Variants in NRIP1 observed in about 807,000 individuals in gnomAD.
The protein encoded by NRIP1 is nuclear receptor-interacting protein 1.
NRIP1 carries 28 observed loss-of-function variants against 75.0 expected under a neutral mutation model. The observed-to-expected ratio is 0.37, with a 90% CI of 0.28 to 0.51. The LOEUF (loss-of-function observed/expected upper bound fraction) is 0.51, where lower values mean the gene tolerates loss of function less well. Ranked by LOEUF, NRIP1 falls within the 20% of genes least tolerant of loss-of-function variation. NRIP1 has a pLI of 0.92. For missense variants in NRIP1, 1,435 were observed against 1,343.7 expected, an observed-to-expected ratio of 1.07 and a Z score of -1.06; for synonymous variants, 526 against 487.6, an observed-to-expected ratio of 1.08 and a Z score of -1.04.
intron 3 of NRIP1, among the ~76,000 whole-genome samples, chr21:15,002,534 C>T (rs756081339): frequency 6.6e-6 from 1 of 152,090 alleles, no homozygotes; most frequent in African/African-American, 2.4e-5. Context: ...GATGTGTCTA[C>T]TTCGGTGAAC....
chr21:15,059,854 CT>C (rs2089386729), intron 1 of NRIP1, among the ~76,000 whole-genome samples: 1 of 152,028 alleles, frequency 6.6e-6, no homozygotes, highest in African/African-American at 2.4e-5. Context: ...CATTATACTA[CT>C]TTTAGAGTTC....
chr21:15,032,929 A>G (rs887166446), intron 2 of NRIP1, among the ~76,000 whole-genome samples: 4 of 152,200 alleles, frequency 2.6e-5, no homozygotes, highest in Non-Finnish European at 4.4e-5. Flanking sequence ...GAGAAAGCTG[A>G]AAAATTAAAA....
At chr21:15,030,401 C>T (rs976131655) in intron 2 of NRIP1, among the ~76,000 whole-genome samples, 30 of 152,150 alleles carry the variant, frequency 2.0e-4, no homozygotes, top group African/African-American at 7.0e-4. Flanking sequence ...CAAACTAACA[C>T]GAAGTTGGAT....
intron 1 of NRIP1, among the ~76,000 whole-genome samples, chr21:15,052,577 C>CAATA (rs1161460436): frequency 2.0e-5 from 3 of 152,168 alleles, no homozygotes; most frequent in Non-Finnish European, 4.4e-5. Flanking sequence ...CTGAAGTATT[C>CAATA]AATACAGCCA....
intron 3 of NRIP1, among the ~76,000 whole-genome samples, chr21:14,973,132 A>G (rs1000986179): frequency 2.6e-5 from 4 of 152,226 alleles, no homozygotes; most frequent in Non-Finnish European, 4.4e-5. Context: ...CATCACAGTA[A>G]GGGAGAGACT....
intron 1 of NRIP1, among the ~76,000 whole-genome samples, chr21:15,061,078 C>T (rs1456801897): frequency 6.6e-6 from 1 of 152,282 alleles, no homozygotes; most frequent in African/African-American, 2.4e-5. Flanking sequence ...TAAGGAAATG[C>T]AACTTGAACC....
intron 1 of NRIP1, among the ~76,000 whole-genome samples, chr21:15,045,715 C>G (rs60153736): frequency 0.011 from 1,668 of 152,358 alleles, 26 homozygotes; most frequent in African/African-American, 0.037. Flanking sequence ...ATTTTACCCA[C>G]AGTAGAATAT....
In NRIP1 at chr21:15,012,159, T is replaced by C. The variant is rs570004358; in HGVS notation, c.-335+2185A>G. ...TGTCAAATACTCATCTCCTGAGATA[T>C]ACCAGATCCTCCTTTTGGAGACACA... On this transcript the variant is annotated intron_variant, in intron 3 of 3. Transcript: ENST00000318948. 3.7e-3 allele frequency among the ~76,000 whole-genome samples: 566 copies of C among 152,298 alleles called. 4 individuals carry two copies. The highest frequency in any genetic ancestry group is 6.2e-3 in the Non-Finnish European group (425 of 68,020).
At position 14,968,038 on chromosome 21, in the gene NRIP1, T is replaced by C. The variant is rs745981548; in HGVS notation, c.155A>G (p.Asn52Ser). 22 of 1,613,956 alleles carry C rather than the reference T, an allele frequency of 1.4e-5. 2 individuals carry two copies. The East Asian group carries it at 2.7e-4, about 20-fold the overall frequency. Residue 52 changes from asparagine to serine, a missense_variant, in exon 4 of 4, where the codon AAC becomes AGC. Asn to Ser is a conservative substitution (Grantham distance 46, BLOSUM62 1). Transcript: ENST00000318948. ...AGHNEEDQNF[N>S]ISGSAFPTCQ... is the part of the protein sequence containing the mutation. ...GGTGGGAAATGCACTGCCAGAAATG[T>C]TAAAGTTCTGATCCTCTTCATTATG...
chr21:14,966,956 T>A lies in NRIP1; in HGVS notation c.1237A>T (p.Thr413Ser), dbSNP rs201928778. 1 of 1,614,068 alleles carries A rather than the reference T, an allele frequency of 6.2e-7. No homozygotes were observed. Among genetic ancestry groups the A allele is most frequent in the African/African-American group, 1.3e-5 (1 of 74,948 alleles). Reference sequence around the variant, plus strand: ...TTGTTATCTGAATATTCATCAATAGTTGTAGGTGTACTACTTTCCTCAAAA... The same window carrying A: ...TTGTTATCTGAATATTCATCAATAGATGTAGGTGTACTACTTTCCTCAAAA... ...SIFEESSTPT[T>S]IDEYSDNNPS... is the part of the protein sequence containing the mutation. The change falls in exon 4 of 4, where the codon ACT (threonine) becomes TCT (serine). Residue 413 changes from threonine to serine, a missense_variant. Coordinates refer to ENST00000318948, the MANE Select transcript of NRIP1 (RefSeq NM_003489.4).
intron 2 of NRIP1, among the ~76,000 whole-genome samples, chr21:15,018,551 C>T (rs1350616711): frequency 6.6e-6 from 1 of 152,036 alleles, no homozygotes; most frequent in Non-Finnish European, 1.5e-5. Flanking sequence ...ATAGTGTATG[C>T]AAAGGACGTG....
chr21:15,027,037 TA>T (rs1000658980), intron 2 of NRIP1, among the ~76,000 whole-genome samples: 1 of 151,416 alleles, frequency 6.6e-6, no homozygotes, highest in African/African-American at 2.4e-5. Context: ...AAAACTAAAT[TA>T]AAAAAAAATT....
At chr21:15,038,765 T>C (rs752082214) in intron 2 of NRIP1, among the ~76,000 whole-genome samples, 1 of 151,920 alleles carries the variant, frequency 6.6e-6, no homozygotes, top group African/African-American at 2.4e-5. Context: ...AGAAAACCTA[T>C]AAAGGCAAAT....
chr21:15,010,936 G>A (rs184371025), intron 3 of NRIP1, among the ~76,000 whole-genome samples: 32 of 152,212 alleles, frequency 2.1e-4, no homozygotes, highest in African/African-American at 6.0e-4. Context: ...GAAAACACTA[G>A]TGAGAAGGCC....
At chr21:15,022,661 T>C (rs1466897572) in intron 2 of NRIP1, among the ~76,000 whole-genome samples, 1 of 152,208 alleles carries the variant, frequency 6.6e-6, no homozygotes, top group Non-Finnish European at 1.5e-5. Flanking sequence ...CTTTGGAGAA[T>C]GCAAAAGTAG....
In NRIP1 at chr21:15,040,676, T is replaced by C. The variant is rs1054049898; in HGVS notation, c.-458+2819A>G. Reference sequence around the variant, plus strand: ...TTTCAGTATTTCAATCATACGATCATAAGTACATAGAGGAGGATATTGTGT... The same window carrying C: ...TTTCAGTATTTCAATCATACGATCACAAGTACATAGAGGAGGATATTGTGT... On this transcript the variant is annotated intron_variant, in intron 2 of 3. Coordinates refer to ENST00000318948, the MANE Select transcript of NRIP1 (RefSeq NM_003489.4). Among the ~76,000 whole-genome samples, 10 of 152,198 alleles carry C rather than the reference T, an allele frequency of 6.6e-5. No individual in the cohort carries two copies. In the East Asian group the frequency reaches 1.9e-3, roughly 29 times the overall value.
intron 2 of NRIP1, among the ~76,000 whole-genome samples, chr21:15,042,209 G>T (rs2088970416): frequency 1.3e-5 from 2 of 152,116 alleles, no homozygotes; most frequent in South Asian, 4.1e-4. Flanking sequence ...CTGTATTATA[G>T]TAAAAGAAGG....
At chr21:15,007,719 G>A (rs752151179) in intron 3 of NRIP1, among the ~76,000 whole-genome samples, 5 of 152,154 alleles carry the variant, frequency 3.3e-5, no homozygotes, top group Admixed American at 2.0e-4. Context: ...AAATTATAAT[G>A]TGGTTCTTGG....
chr21:14,962,507 C>T lies in NRIP1; in HGVS notation c.*2209G>A, dbSNP rs1268355913. On this transcript the variant is annotated 3_prime_UTR_variant, in exon 4 of 4. Transcript: ENST00000318948. ...AAATTTCACTCTCTTGTAAAAAGGT[C>T]ATTTCCCCCTACCCAAGGGAGAATA... 1.3e-5 allele frequency: 2 copies of T among 152,370 alleles called. No individual in the cohort carries two copies. Among genetic ancestry groups the T allele is most frequent in the African/African-American group, 4.8e-5 (2 of 41,400 alleles). 9.4% of individuals were successfully genotyped at this position (152,370 alleles called of 1,614,324 possible). A position where few individuals can be genotyped will look rare whatever the true frequency, so the allele number is the denominator to read the frequency against.
Sources: allele counts gnomAD v4.1 joint callset (sites outside exome capture counted in the v4.1 genomes callset), GRCh38; gene constraint gnomAD v4.1.1; transcripts MANE v1.5; gene names NCBI Gene and HGNC (gene_info 2026-07-23, HGNC 2026-07-21).